Variants in SPIDR observed in about 807,000 individuals in gnomAD.
SPIDR encodes DNA repair-scaffolding protein.
SPIDR carries 93 observed loss-of-function variants against 104.6 expected under a neutral mutation model. That is an observed-to-expected ratio of 0.89 (90% CI 0.75 to 1.06). The LOEUF is 1.06. Ranked by LOEUF, SPIDR falls within the 50% of genes least tolerant of loss-of-function variation. SPIDR has a pLI of 0.00. For synonymous variants in SPIDR, 431 were observed against 416.9 expected, an observed-to-expected ratio of 1.03 and a Z score of -0.41; for missense variants, 1,154 against 1,111.2, an observed-to-expected ratio of 1.04 and a Z score of -0.55.
At chr8:47,651,773 A>G (rs2071683651) in intron 10 of SPIDR, among the ~76,000 whole-genome samples, 1 of 152,052 alleles carries the variant, frequency 6.6e-6, no homozygotes, top group South Asian at 2.1e-4. Flanking sequence ...TCTCAGCCAT[A>G]AAAAAAAGAA....
At chr8:47,526,008 G>A (rs1290313578) in intron 8 of SPIDR, among the ~76,000 whole-genome samples, 1 of 152,012 alleles carries the variant, frequency 6.6e-6, no homozygotes, top group Non-Finnish European at 1.5e-5. Context: ...AGCATAGTGT[G>A]GATCAGAAGG....
chr8:47,636,278 T>G (rs1489515540), intron 10 of SPIDR, among the ~76,000 whole-genome samples: 1 of 152,134 alleles, frequency 6.6e-6, no homozygotes, highest in Non-Finnish European at 1.5e-5. Flanking sequence ...TCAGCAAATG[T>G]GTGTGTTCTG....
At chr8:47,633,155 G>T (rs2067320513) in intron 10 of SPIDR, among the ~76,000 whole-genome samples, 2 of 152,202 alleles carry the variant, frequency 1.3e-5, no homozygotes, top group African/African-American at 4.8e-5. Flanking sequence ...TTCATTTGAG[G>T]CATGAGCATT....
At chr8:47,626,817 G>A (rs919566590) in intron 10 of SPIDR, among the ~76,000 whole-genome samples, 6 of 152,160 alleles carry the variant, frequency 3.9e-5, no homozygotes, top group Non-Finnish European at 8.8e-5. Context: ...AACCATTGTG[G>A]AAGTCAGTGT....
chr8:47,690,070 A>G (rs866707872), intron 11 of SPIDR, among the ~76,000 whole-genome samples: 17 of 152,060 alleles, frequency 1.1e-4, no homozygotes, highest in African/African-American at 4.1e-4. Context: ...AAAAAAACTT[A>G]CACGTGTCTA....
At chr8:47,341,307 A>G (rs2050722443) in intron 5 of SPIDR, among the ~76,000 whole-genome samples, 1 of 152,216 alleles carries the variant, frequency 6.6e-6, no homozygotes, top group Non-Finnish European at 1.5e-5. Flanking sequence ...CCCTTTCCAT[A>G]TGTAAGAATA....
chr8:47,550,771 TCCTG>T (rs1198424541), intron 8 of SPIDR, among the ~76,000 whole-genome samples: 5 of 152,096 alleles, frequency 3.3e-5, no homozygotes, highest in Non-Finnish European at 7.4e-5. Flanking sequence ...TCTTTCTCTT[TCCTG>T]ATTGCCCTGG....
At chr8:47,533,991 G>A (rs191605202) in intron 8 of SPIDR, among the ~76,000 whole-genome samples, 1 of 152,200 alleles carries the variant, frequency 6.6e-6, no homozygotes, top group Non-Finnish European at 1.5e-5. Flanking sequence ...TCAAGGGCGG[G>A]ACCAGGTGGA....
intron 3 of SPIDR, among the ~76,000 whole-genome samples, chr8:47,284,898 A>G (rs2038520145): frequency 6.6e-6 from 1 of 152,212 alleles, no homozygotes; most frequent in South Asian, 2.1e-4. Flanking sequence ...GAAGGGGTGG[A>G]TATCAGGTAG....
chr8:47,589,751 T>C (rs1271650772), intron 8 of SPIDR, among the ~76,000 whole-genome samples: 1 of 152,220 alleles, frequency 6.6e-6, no homozygotes, highest in Non-Finnish European at 1.5e-5. Flanking sequence ...ATTCTTGATA[T>C]TGGTAATTTG....
chr8:47,660,503 T>C, intron 10 of SPIDR: 6 of 985,460 alleles, frequency 6.1e-6, no homozygotes, highest in Non-Finnish European at 7.2e-6. Flanking sequence ...TGGCAGCTGA[T>C]GGCTGAAACA....
At chr8:47,690,207 T>G (rs1376986027) in intron 11 of SPIDR, among the ~76,000 whole-genome samples, 1 of 152,052 alleles carries the variant, frequency 6.6e-6, no homozygotes, top group African/African-American at 2.4e-5. Flanking sequence ...GAGAACTGTT[T>G]GCAGAGTTAC....
chr8:47,625,339 C>G (rs1221230040), intron 10 of SPIDR, among the ~76,000 whole-genome samples: 3 of 152,120 alleles, frequency 2.0e-5, no homozygotes, highest in African/African-American at 7.2e-5. Flanking sequence ...GACAGGGATG[C>G]CCTCTCTCAC....
chr8:47,315,253 A>G, intron 5 of SPIDR, among the ~76,000 whole-genome samples: 1 of 152,282 alleles, frequency 6.6e-6, no homozygotes, highest in East Asian at 1.9e-4. Flanking sequence ...GGCAACTAAA[A>G]TAGAGTGTAC....
At chr8:47,312,054 A>G (rs587684687) in intron 5 of SPIDR, among the ~76,000 whole-genome samples, 1 of 152,090 alleles carries the variant, frequency 6.6e-6, no homozygotes, top group Non-Finnish European at 1.5e-5. Flanking sequence ...TGAACTCTTC[A>G]TTTTTTATGG....
intron 8 of SPIDR, among the ~76,000 whole-genome samples, chr8:47,471,206 C>T (rs1484353897): frequency 1.3e-5 from 2 of 151,176 alleles, no homozygotes; most frequent in Non-Finnish European, 2.9e-5. Flanking sequence ...TTTCCTGCAT[C>T]AAAGAACACT....
At chr8:47,726,495 A>G (rs2084258052) in intron 16 of SPIDR, among the ~76,000 whole-genome samples, 1 of 152,208 alleles carries the variant, frequency 6.6e-6, no homozygotes, top group African/African-American at 2.4e-5. Context: ...ACAATGCTTC[A>G]CATCCAAGAA....
intron 5 of SPIDR, among the ~76,000 whole-genome samples, chr8:47,375,844 C>T (rs1176295825): frequency 6.6e-6 from 1 of 152,102 alleles, no homozygotes; most frequent in Non-Finnish European, 1.5e-5. Context: ...ACATTTGGGG[C>T]TCTTAGAAGC....
chr8:47,352,202 G>A (rs978110525), intron 5 of SPIDR, among the ~76,000 whole-genome samples: 1 of 151,710 alleles, frequency 6.6e-6, no homozygotes, highest in African/African-American at 2.4e-5. Flanking sequence ...ACTTGAACCC[G>A]GGAGGCGGAG....
Sources: allele counts gnomAD v4.1 joint callset (sites outside exome capture counted in the v4.1 genomes callset), GRCh38; gene constraint gnomAD v4.1.1; transcripts MANE v1.5; gene names NCBI Gene and HGNC (gene_info 2026-07-23, HGNC 2026-07-21).